Variants in PCDH15 observed in about 807,000 individuals in gnomAD.
The protein encoded by PCDH15 is protocadherin-15.
In PCDH15, 129 loss-of-function variants were observed where a neutral mutation model predicts 178.5. That is an observed-to-expected ratio of 0.72 (90% CI 0.63 to 0.84). PCDH15 has a LOEUF of 0.84. Among genes scored for constraint, PCDH15 ranks in the 40% least tolerant of loss-of-function variants. The probability of loss-of-function intolerance (pLI) is 0.00; values close to 1 mark genes in which losing one functional copy is unlikely to be tolerated. For missense variants in PCDH15, 2,230 were observed against 2,099.9 expected (o/e 1.06, Z -1.21); for synonymous variants, 800 against 732.0 (o/e 1.09, Z -1.50).
In PCDH15 at chr10:55,420,839, A is replaced by G. The variant is rs116424460; in HGVS notation, c.-156+206786T>C. On this transcript the variant is annotated intron_variant, in intron 2 of 5. Coordinates refer to the PCDH15 transcript ENST00000613346. ...TATGTCAAGCATGGGGCTAATTCCTAGGAATAATAACCAAGGAACTTACCA... is the reference window on the plus strand; with the variant it reads ...TATGTCAAGCATGGGGCTAATTCCTGGGAATAATAACCAAGGAACTTACCA... 1.5e-3 allele frequency among the ~76,000 whole-genome samples: 228 copies of G among 151,878 alleles called. 2 individuals are homozygous for G. Among genetic ancestry groups the G allele is most frequent in the African/African-American group, 5.2e-3 (215 of 41,528 alleles).
chr10:54,546,858 T>C (rs988395290), intron 2 of PCDH15, among the ~76,000 whole-genome samples: 1 of 152,144 alleles, frequency 6.6e-6, no homozygotes, highest in African/African-American at 2.4e-5. Flanking sequence ...CAATTCATAT[T>C]TTGAAATTTG....
intron 13 of PCDH15, among the ~76,000 whole-genome samples, chr10:54,178,134 G>T (rs1459027042): frequency 1.3e-5 from 2 of 152,110 alleles, no homozygotes. Context: ...GGGAACCAGG[G>T]AAGTTTTTCA....
intron 2 of PCDH15, among the ~76,000 whole-genome samples, chr10:55,408,225 AC>A (rs549480894): frequency 1.5e-3 from 224 of 150,650 alleles, no homozygotes; most frequent in African/African-American, 5.2e-3. Context: ...CTCACTTGTC[AC>A]TGAGGCTGGA....
intron 3 of PCDH15, among the ~76,000 whole-genome samples, chr10:54,414,159 C>T (rs1299832506): frequency 6.6e-6 from 1 of 152,060 alleles, no homozygotes; most frequent in Non-Finnish European, 1.5e-5. Flanking sequence ...AAACCATGTA[C>T]TCATAGGAGA....
intron 3 of PCDH15, among the ~76,000 whole-genome samples, chr10:54,504,702 C>A (rs1157721694): frequency 6.6e-6 from 1 of 152,068 alleles, no homozygotes; most frequent in Non-Finnish European, 1.5e-5. Flanking sequence ...TGTAGAGATA[C>A]AGATATACAT....
intron 20 of PCDH15, among the ~76,000 whole-genome samples, chr10:54,000,926 G>T (rs577629084): frequency 6.6e-6 from 1 of 152,080 alleles, no homozygotes; most frequent in Middle Eastern, 3.2e-3. Flanking sequence ...ATAAATAAAG[G>T]ATCCTAAAGG....
chr10:53,808,910 C>A, intron 37 of PCDH15: 1 of 1,577,218 alleles, frequency 6.3e-7, no homozygotes. Context: ...ATATCTTGAG[C>A]TTCAGGGTCT....
intron 13 of PCDH15, among the ~76,000 whole-genome samples, chr10:54,158,277 C>T (rs1007736773): frequency 3.3e-5 from 5 of 152,106 alleles, no homozygotes; most frequent in Admixed American, 6.6e-5. Flanking sequence ...TTCTATATGG[C>T]GGGGAGGTCT....
At chr10:55,163,878 C>T (rs146640248) in intron 2 of PCDH15, among the ~76,000 whole-genome samples, 8 of 152,204 alleles carry the variant, frequency 5.3e-5, no homozygotes, top group South Asian at 2.1e-4. Flanking sequence ...CCTTGTTTAG[C>T]GCATGATCAA....
intron 3 of PCDH15, among the ~76,000 whole-genome samples, chr10:54,477,042 C>G (rs756638326): frequency 6.6e-6 from 1 of 152,062 alleles, no homozygotes; most frequent in African/African-American, 2.4e-5. Context: ...ACTGAGGGAG[C>G]CTCCTAATCC....
At chr10:54,742,819 C>T (rs574460496) in intron 1 of PCDH15, among the ~76,000 whole-genome samples, 1 of 151,994 alleles carries the variant, frequency 6.6e-6, no homozygotes, top group Non-Finnish European at 1.5e-5. Context: ...GTCTTCGTCA[C>T]AAAGAATACA....
At chr10:55,022,779 C>T (rs1416669035) in intron 2 of PCDH15, among the ~76,000 whole-genome samples, 21 of 148,172 alleles carry the variant, frequency 1.4e-4, no homozygotes, top group African/African-American at 5.2e-4. Flanking sequence ...GGCGCGATCT[C>T]GGCTCACTGC....
chr10:54,565,982 G>A (rs1375726034), intron 2 of PCDH15, among the ~76,000 whole-genome samples: 1 of 152,154 alleles, frequency 6.6e-6, no homozygotes, highest in East Asian at 1.9e-4. Context: ...TACTTGGGAG[G>A]CTGAGGCAGT....
chr10:54,499,700 A>G (rs2080472308), intron 3 of PCDH15, among the ~76,000 whole-genome samples: 1 of 152,146 alleles, frequency 6.6e-6, no homozygotes, highest in African/African-American at 2.4e-5. Flanking sequence ...TCATAGGACT[A>G]CATGCATCAA....
chr10:55,037,032 C>A (rs1157349778), intron 2 of PCDH15, among the ~76,000 whole-genome samples: 1 of 152,226 alleles, frequency 6.6e-6, no homozygotes, highest in African/African-American at 2.4e-5. Context: ...TGAAAATTAA[C>A]CTGTCACCCC....
At chr10:55,316,110 T>A (rs1254707933) in intron 1 of PCDH15, among the ~76,000 whole-genome samples, 1 of 152,174 alleles carries the variant, frequency 6.6e-6, no homozygotes, top group Admixed American at 6.5e-5. Context: ...TGTAAATGAG[T>A]ATATGTCCCA....
At chr10:55,174,325 C>A (rs1839420794) in intron 1 of PCDH15, among the ~76,000 whole-genome samples, 1 of 152,098 alleles carries the variant, frequency 6.6e-6, no homozygotes, top group African/African-American at 2.4e-5. Context: ...GCCTGAAAAC[C>A]AGGCTGCCAG....
chr10:53,822,638 A>G, intron 32 of PCDH15: 1 of 1,614,128 alleles, frequency 6.2e-7, no homozygotes, highest in Non-Finnish European at 8.5e-7. Flanking sequence ...GTTCCAAGGA[A>G]CACTCAGCAG....
intron 1 of PCDH15, among the ~76,000 whole-genome samples, chr10:55,286,610 G>A (rs1842877641): frequency 2.0e-5 from 3 of 151,722 alleles, no homozygotes; most frequent in African/African-American, 4.8e-5. Flanking sequence ...AAAACAGCAG[G>A]CAAAACATCA....
Sources: gnomAD v4.1 joint callset for allele counts (sites outside exome capture counted in the v4.1 genomes callset) on GRCh38, gnomAD v4.1.1 for gene constraint, MANE v1.5 for transcripts, NCBI Gene and HGNC (gene_info 2026-07-23, HGNC 2026-07-21) for gene names.